Variants in SLC2A12 observed in about 807,000 individuals in gnomAD.
The protein encoded by SLC2A12 is solute carrier family 2, facilitated glucose transporter member 12.
In SLC2A12, 23 loss-of-function variants were observed where a neutral mutation model predicts 41.8. That is an observed-to-expected ratio of 0.55 (90% CI 0.40 to 0.78). The LOEUF (loss-of-function observed/expected upper bound fraction) is 0.78, where lower values mean the gene tolerates loss of function less well. SLC2A12 is among the 30% of genes least tolerant of loss of function. The probability of loss-of-function intolerance (pLI) is 0.00; values close to 1 mark genes in which losing one functional copy is unlikely to be tolerated. For missense variants in SLC2A12, 654 were observed against 745.6 expected (o/e 0.88, Z 1.43); for synonymous variants, 295 against 285.9 (o/e 1.03, Z -0.32).
intron 2 of SLC2A12, among the ~76,000 whole-genome samples, chr6:134,015,156 G>T (rs1776938716): frequency 6.6e-6 from 1 of 152,222 alleles, no homozygotes; most frequent in Non-Finnish European, 1.5e-5. Flanking sequence ...GGAAAAACAA[G>T]ATTTGAAAGA....
chr6:134,006,652 A>G (rs1265214772), intron 3 of SLC2A12, among the ~76,000 whole-genome samples, 160 bp downstream of exon 3: 1 of 152,226 alleles, frequency 6.6e-6, no homozygotes, highest in Non-Finnish European at 1.5e-5. Context: ...ATTTACATTC[A>G]AAACTGTAAA....
At chr6:134,021,780 T>C (rs923503006) in intron 2 of SLC2A12, among the ~76,000 whole-genome samples, 4 of 152,198 alleles carry the variant, frequency 2.6e-5, no homozygotes, top group Non-Finnish European at 4.4e-5. Context: ...CACTAGTAGT[T>C]CATACAAATA....
rs1178786679 is a variant in SLC2A12, at chr6:133,989,347, T to C, written c.*1808A>G. 6.6e-6 allele frequency: 1 copy of C among 151,890 alleles called. No individual in the cohort carries two copies. Among genetic ancestry groups the C allele is most frequent in the African/African-American group, 2.4e-5 (1 of 41,334 alleles). 9.4% of individuals were successfully genotyped at this position (151,890 alleles called of 1,614,324 possible). A position where few individuals can be genotyped will look rare whatever the true frequency, so the allele number is the denominator to read the frequency against. ...TTGTTTAGTTACAGACTCAGGATAA[T>C]AAAAGAAAAATATAAAAGAATGCTC... On this transcript the variant is annotated 3_prime_UTR_variant, in exon 5 of 5. Coordinates refer to ENST00000275230, the MANE Select transcript of SLC2A12 (RefSeq NM_145176.3).
chr6:134,025,279 A>G (rs542454791), intron 2 of SLC2A12, among the ~76,000 whole-genome samples: 13 of 152,338 alleles, frequency 8.5e-5, no homozygotes, highest in Middle Eastern at 3.4e-3. Context: ...TGAATTTCAG[A>G]AGATAAAACA....
At chr6:134,016,285 AAAATAAAT>A (rs545212628) in intron 2 of SLC2A12, among the ~76,000 whole-genome samples, 21 of 151,890 alleles carry the variant, frequency 1.4e-4, no homozygotes, top group South Asian at 2.1e-4. Flanking sequence ...AACAAAAGAA[AAAATAAAT>A]AAATAAATAA....
At chr6:134,007,191 G>A (rs1418225986) in intron 2 of SLC2A12, among the ~76,000 whole-genome samples, 2 of 152,240 alleles carry the variant, frequency 1.3e-5, no homozygotes, top group African/African-American at 2.4e-5. Flanking sequence ...GGCATGAGGT[G>A]CTGGTATCTG....
At chr6:134,051,943 C>G (rs1053017432) in intron 1 of SLC2A12, among the ~76,000 whole-genome samples, 14 of 152,314 alleles carry the variant, frequency 9.2e-5, no homozygotes, top group South Asian at 2.1e-4. Context: ...ACTGGTTACA[C>G]AGTGTCCATT....
intron 4 of SLC2A12, among the ~76,000 whole-genome samples, chr6:133,997,067 C>G (rs771910295): frequency 5.2e-5 from 7 of 135,708 alleles, no homozygotes; most frequent in Non-Finnish European, 1.1e-4. Context: ...CGGTGAAACC[C>G]CGTCTCTACT....
At chr6:134,021,028 C>T (rs1337182682) in intron 2 of SLC2A12, among the ~76,000 whole-genome samples, 3 of 152,146 alleles carry the variant, frequency 2.0e-5, no homozygotes, top group South Asian at 2.1e-4. Flanking sequence ...AAATATCTCC[C>T]GCTAATTGTT....
At chr6:134,006,505 G>A (rs1776818289) in intron 3 of SLC2A12, among the ~76,000 whole-genome samples, 1 of 152,152 alleles carries the variant, frequency 6.6e-6, no homozygotes, top group African/African-American at 2.4e-5. Context: ...ATATTTTTAA[G>A]TGTGATAATG....
At chr6:134,025,796 C>T (rs114286027) in intron 2 of SLC2A12, among the ~76,000 whole-genome samples, 4,342 of 152,304 alleles carry the variant, frequency 0.029, 202 homozygotes, top group African/African-American at 0.096. Context: ...CTCCACCAGC[C>T]TCGGCCTCCC....
At chr6:134,038,505 G>C (rs1777336224) in intron 1 of SLC2A12, among the ~76,000 whole-genome samples, 1 of 150,308 alleles carries the variant, frequency 6.7e-6, no homozygotes, top group South Asian at 2.1e-4. Flanking sequence ...GGGATTACAG[G>C]TGTGGGCCAC....
At position 134,029,497 on chromosome 6, in the gene SLC2A12, T is replaced by C; in HGVS notation, c.328A>G (p.Ile110Val). 6.2e-7 allele frequency: 1 copy of C among 1,614,146 alleles called. No homozygotes were observed. Among genetic ancestry groups the C allele is most frequent in the Non-Finnish European group, 8.5e-7 (1 of 1,180,030 alleles). Reference sequence around the variant, plus strand: ...CCAAGCAGGCAGGATGACAAGATGATTGCTGTCCTTCTTCCATATCTGTCT... The same window carrying C: ...CCAAGCAGGCAGGATGACAAGATGACTGCTGTCCTTCTTCCATATCTGTCT... ...LIDRYGRRTAIILSSCLLGLG... is the reference protein window; with the variant it reads ...LIDRYGRRTAVILSSCLLGLG... Residue 110 changes from isoleucine to valine, a missense_variant, in exon 2 of 5, where the codon ATC (isoleucine) becomes GTC (valine). This residue lies in a region of SLC2A12 where 109 missense variants were observed against 153.0 expected (regional missense o/e 0.71). Transcript: ENST00000275230.
chr6:134,030,412 A>G (rs937569507), intron 1 of SLC2A12, among the ~76,000 whole-genome samples: 1 of 152,158 alleles, frequency 6.6e-6, no homozygotes, highest in African/African-American at 2.4e-5. Flanking sequence ...AATATCCCTT[A>G]CTCATTCTGA....
chr6:134,017,422 G>T (rs534498719), intron 2 of SLC2A12, among the ~76,000 whole-genome samples: 5 of 152,204 alleles, frequency 3.3e-5, no homozygotes, highest in African/African-American at 7.2e-5. Context: ...AGAATTTTTT[G>T]ATTCATCCAA....
intron 2 of SLC2A12, among the ~76,000 whole-genome samples, chr6:134,010,184 AG>A (rs1776861460): frequency 6.6e-6 from 1 of 152,218 alleles, no homozygotes. Flanking sequence ...TTATAATAAC[AG>A]GTGGGAGTTT....
At chr6:134,015,727 C>T (rs1776951799) in intron 2 of SLC2A12, among the ~76,000 whole-genome samples, 2 of 152,284 alleles carry the variant, frequency 1.3e-5, no homozygotes, top group African/African-American at 4.8e-5. Flanking sequence ...TTGCCTTAAA[C>T]CCAGTAGGTC....
intron 4 of SLC2A12, among the ~76,000 whole-genome samples, chr6:133,998,648 C>T (rs1247024707): frequency 1.3e-5 from 2 of 152,222 alleles, no homozygotes; most frequent in African/African-American, 2.4e-5. Flanking sequence ...TCAGATGATC[C>T]TCCTACCTCA....
At chr6:134,049,620 A>G (rs1207857400) in intron 1 of SLC2A12, among the ~76,000 whole-genome samples, 4 of 152,186 alleles carry the variant, frequency 2.6e-5, no homozygotes, top group Non-Finnish European at 1.5e-5. Context: ...ATCCTGTCCT[A>G]TATTAAGATG....
Sources: allele counts gnomAD v4.1 joint callset (sites outside exome capture counted in the v4.1 genomes callset), GRCh38; gene constraint gnomAD v4.1.1; regional missense constraint gnomAD v4.1.1; transcripts MANE v1.5; gene names NCBI Gene and HGNC (gene_info 2026-07-23, HGNC 2026-07-21).